Variants in MYOF observed in about 807,000 individuals in gnomAD.
MYOF encodes myoferlin, also known as fer-1-like 3, myoferlin.
In MYOF, 244 loss-of-function variants were observed where a neutral mutation model predicts 284.2. The ratio of observed to expected loss-of-function variants is 0.86; its 90% confidence interval spans 0.77 to 0.95. The LOEUF (loss-of-function observed/expected upper bound fraction) is 0.95. Among genes scored for constraint, MYOF ranks in the 40% least tolerant of loss-of-function variants. The probability of loss-of-function intolerance (pLI) is 0.00; values close to 1 mark genes in which losing one functional copy is unlikely to be tolerated. For synonymous variants in MYOF, 904 were observed against 919.7 expected (o/e 0.98, Z 0.31); for missense variants, 2,496 against 2,560.6 (o/e 0.97, Z 0.54).
chr10:93,428,081 G>A (rs1450391312), intron 4 of MYOF, among the ~76,000 whole-genome samples: 10 of 151,680 alleles, frequency 6.6e-5, no homozygotes, highest in East Asian at 3.9e-4. Flanking sequence ...TGGCACACAC[G>A]TACACACACA....
chr10:93,400,614 T>A (rs1279847887), intron 12 of MYOF, among the ~76,000 whole-genome samples: 6 of 152,000 alleles, frequency 3.9e-5, no homozygotes, highest in African/African-American at 1.5e-4. Context: ...GAGTGCAGCC[T>A]CCTGGGGACT....
At chr10:93,377,286 G>A in intron 22 of MYOF, 37 bp downstream of exon 22, 1 of 1,412,796 alleles carries the variant, frequency 7.1e-7, no homozygotes. Flanking sequence ...AGGAGCGCCT[G>A]GATGAAAATT....
In MYOF at chr10:93,355,738, T is replaced by C. The variant is rs1205653418; in HGVS notation, c.3295-2A>G. On this transcript the variant is annotated splice_acceptor_variant, in intron 30 of 53. Transcript: ENST00000359263. LOFTEE classifies it high-confidence loss of function. ...CCCATCTTCGGTAGTGTCTGCCCCC[T>C]GAAGTCAATTAACAGAGTCAATTAG... The C allele has an allele frequency of 6.2e-7, 1 of 1,610,284 alleles. No individual in the cohort carries two copies. Among genetic ancestry groups the C allele is most frequent in the Middle Eastern group, 1.7e-4 (1 of 6,048 alleles).
At chr10:93,312,358 T>A (rs983342977) in intron 51 of MYOF, among the ~76,000 whole-genome samples, 1 of 152,096 alleles carries the variant, frequency 6.6e-6, no homozygotes, top group Non-Finnish European at 1.5e-5. Context: ...CTTTTTTATT[T>A]TTTTTGAGGC....
intron 49 of MYOF, among the ~76,000 whole-genome samples, 155 bp downstream of exon 49, chr10:93,319,717 T>C (rs1469332292): frequency 2.0e-5 from 3 of 152,096 alleles, no homozygotes; most frequent in African/African-American, 7.2e-5. Context: ...AGTGTGACCT[T>C]GGACAAGTGT....
At chr10:93,425,676 G>C (rs1288429769) in intron 5 of MYOF, 1 of 202,240 alleles carries the variant, frequency 4.9e-6, no homozygotes, top group Non-Finnish European at 1.0e-5. Context: ...GCAGAGCCCG[G>C]TGGTGGCACC....
intron 19 of MYOF, among the ~76,000 whole-genome samples, chr10:93,386,503 G>A (rs527286725): frequency 1.1e-4 from 16 of 152,196 alleles, no homozygotes; most frequent in Non-Finnish European, 2.1e-4. Context: ...CGGATGCCCC[G>A]TGGCTTGCTG....
At chr10:93,410,042 T>C (rs982226286) in intron 5 of MYOF, among the ~76,000 whole-genome samples, 1 of 152,210 alleles carries the variant, frequency 6.6e-6, no homozygotes, top group Non-Finnish European at 1.5e-5. Context: ...AGCCAGGGAT[T>C]GCTGAGTTCT....
intron 4 of MYOF, among the ~76,000 whole-genome samples, chr10:93,431,024 CTTTTTTT>C (rs113713765): frequency 6.8e-5 from 8 of 117,858 alleles, no homozygotes; most frequent in African/African-American, 9.1e-5. Flanking sequence ...TTTTTCTTTT[CTTTTTTT>C]TTTTTTTTTT....
chr10:93,364,490 T>G (rs1313531626), intron 26 of MYOF, among the ~76,000 whole-genome samples: 1 of 152,194 alleles, frequency 6.6e-6, no homozygotes, highest in Non-Finnish European at 1.5e-5. Flanking sequence ...TCCCCACTAT[T>G]TTTTAAAACA....
chr10:93,467,811 C>A (rs1396751302), intron 1 of MYOF, among the ~76,000 whole-genome samples: 2 of 152,162 alleles, frequency 1.3e-5, no homozygotes, highest in Non-Finnish European at 2.9e-5. Flanking sequence ...ATGATGAGTT[C>A]ATGTCCTTTG....
intron 46 of MYOF, chr10:93,324,463 C>T (rs1169199142): frequency 6.6e-6 from 1 of 152,226 alleles, no homozygotes; most frequent in Non-Finnish European, 1.5e-5. Flanking sequence ...TCCCCAAACC[C>T]AGCCACAGTC....
intron 3 of MYOF, among the ~76,000 whole-genome samples, chr10:93,441,997 A>AACACACACACACACACACACACAC: frequency 7.5e-6 from 1 of 132,972 alleles, no homozygotes; most frequent in Non-Finnish European, 1.6e-5. Flanking sequence ...CCTCAACCTG[A>AACACACACACACACACACACACAC]ACACACACAC....
In MYOF at chr10:93,313,047, T is replaced by C. The variant is rs1224722378; in HGVS notation, c.5862A>G (p.Ala1954=). 4 of 1,612,574 alleles carry C rather than the reference T, an allele frequency of 2.5e-6. No individual in the cohort carries two copies. The highest frequency in any genetic ancestry group is 3.4e-6 in the Non-Finnish European group (4 of 1,179,512). The part of the protein sequence containing the change: ...KSMKGWWPCY[A]EKDGARVMAG... ...CCATTACGCGGGCGCCATCTTTCTC[T>C]GCGTAGCATGGCCACCATCCTTTCA... Residue 1954 remains alanine (A), a synonymous_variant, in exon 51 of 54, where the codon GCA becomes GCG. Transcript: ENST00000359263.
intron 3 of MYOF, among the ~76,000 whole-genome samples, chr10:93,439,225 G>A (rs1464635862): frequency 6.6e-6 from 1 of 152,224 alleles, no homozygotes; most frequent in Non-Finnish European, 1.5e-5. Flanking sequence ...TGGAAGCCCA[G>A]GTCTCCTCAC....
intron 11 of MYOF, 69 bp downstream of exon 11, chr10:93,402,163 C>T: frequency 8.1e-7 from 1 of 1,238,240 alleles, no homozygotes. Flanking sequence ...ATTACCCATG[C>T]CCACATGCTT....
At chr10:93,439,100 C>A (rs1368784660) in intron 3 of MYOF, among the ~76,000 whole-genome samples, 1 of 152,210 alleles carries the variant, frequency 6.6e-6, no homozygotes, top group African/African-American at 2.4e-5. Flanking sequence ...AGGATTTGCA[C>A]GATTTTCGTG....
rs1331158239 is a variant in MYOF at position 93,313,005 on chromosome 10, A to G, written c.5889+15T>C. ...GCATAAACGATTTTCAACCAGAACCAGGAAATGTTCATACAGCCATTACGC... is the reference window on the plus strand; with the variant it reads ...GCATAAACGATTTTCAACCAGAACCGGGAAATGTTCATACAGCCATTACGC... On this transcript the variant is annotated intron_variant, in intron 51 of 53. Transcript: ENST00000359263. 6.3e-7 allele frequency: 1 copy of G among 1,589,862 alleles called. No homozygotes were observed. Among genetic ancestry groups the G allele is most frequent in the Non-Finnish European group, 8.6e-7 (1 of 1,168,106 alleles).
intron 7 of MYOF, among the ~76,000 whole-genome samples, 162 bp downstream of exon 7, chr10:93,408,625 G>A (rs1252798659): frequency 2.6e-5 from 4 of 152,012 alleles, no homozygotes; most frequent in African/African-American, 7.2e-5. Flanking sequence ...TAAACTCCAG[G>A]GCTTTTTCCA....
Sources: gnomAD v4.1 joint callset for allele counts (sites outside exome capture counted in the v4.1 genomes callset) on GRCh38, gnomAD v4.1.1 for gene constraint, MANE v1.5 for transcripts, NCBI Gene and HGNC (gene_info 2026-07-23, HGNC 2026-07-21) for gene names.